AFG2A: variants seen among roughly 807,000 people sequenced by gnomAD.
The protein encoded by AFG2A is ATPase family gene 2 protein homolog A.
chr4:123,048,528 A>T, the AFG2A span, among the ~76,000 whole-genome samples: 1 of 152,090 alleles, frequency 6.6e-6, no homozygotes, highest in Non-Finnish European at 1.5e-5. Context: ...TGTCCTCTTT[A>T]GTTGTTTTCA....
the AFG2A span, chr4:122,923,130 G>A: frequency 8.1e-6 from 13 of 1,614,116 alleles, no homozygotes; most frequent in South Asian, 1.3e-4. Context: ...TTCGGCTAGG[G>A]TACCTTGTGA....
At chr4:123,007,276 T>C in the AFG2A span, among the ~76,000 whole-genome samples, 3 of 152,060 alleles carry the variant, frequency 2.0e-5, no homozygotes, top group Non-Finnish European at 4.4e-5. Context: ...TAATGCCCTA[T>C]GAATTATGAG....
the AFG2A span, among the ~76,000 whole-genome samples, chr4:123,214,639 T>G: frequency 6.6e-6 from 1 of 152,022 alleles, no homozygotes; most frequent in Admixed American, 6.6e-5. Flanking sequence ...CTAGTCTATT[T>G]TACCATTTAC....
chr4:123,183,794 C>G, the AFG2A span, among the ~76,000 whole-genome samples: 2 of 152,158 alleles, frequency 1.3e-5, no homozygotes, highest in South Asian at 4.1e-4. Context: ...GGGTCTGGCT[C>G]TGTCACACAG....
At chr4:123,201,952 AC>A in the AFG2A span, among the ~76,000 whole-genome samples, 1 of 152,198 alleles carries the variant, frequency 6.6e-6, no homozygotes, top group Non-Finnish European at 1.5e-5. Context: ...AATATACAAA[AC>A]AATAATAATA....
At chr4:123,244,964 G>A in the AFG2A span, among the ~76,000 whole-genome samples, 1 of 152,300 alleles carries the variant, frequency 6.6e-6, no homozygotes, top group African/African-American at 2.4e-5. Flanking sequence ...CAAAAGAAAT[G>A]TGAACAATGT....
chr4:123,141,660 T>C, the AFG2A span, among the ~76,000 whole-genome samples: 3 of 152,198 alleles, frequency 2.0e-5, no homozygotes, highest in Non-Finnish European at 4.4e-5. Context: ...TTGATGGGTT[T>C]ATCAGAATGG....
chr4:123,250,312 A>C, the AFG2A span, among the ~76,000 whole-genome samples: 1 of 152,196 alleles, frequency 6.6e-6, no homozygotes, highest in Non-Finnish European at 1.5e-5. Flanking sequence ...TCCTTGATAT[A>C]AAGGTCAGAA....
At chr4:123,053,116 T>G in the AFG2A span, among the ~76,000 whole-genome samples, 5 of 152,326 alleles carry the variant, frequency 3.3e-5, no homozygotes, top group Admixed American at 3.3e-4. Context: ...CCCAGTCCAC[T>G]GACCCAAGTG....
At chr4:123,028,242 T>C in the AFG2A span, 2 of 1,614,210 alleles carry the variant, frequency 1.2e-6, no homozygotes, top group Non-Finnish European at 1.7e-6. Context: ...TGGAACAGGC[T>C]GTGGAATGGC....
the AFG2A span, among the ~76,000 whole-genome samples, chr4:123,146,424 T>C: frequency 3.9e-5 from 6 of 152,146 alleles, no homozygotes; most frequent in Non-Finnish European, 8.8e-5. Flanking sequence ...ATATTAGTCT[T>C]TCAGCAGTTA....
At chr4:122,995,877 G>T in the AFG2A span, among the ~76,000 whole-genome samples, 3 of 152,230 alleles carry the variant, frequency 2.0e-5, no homozygotes, top group South Asian at 6.2e-4. Context: ...ATAATAATTC[G>T]CATAAAGACT....
chr4:123,196,173 T>TTC, the AFG2A span, among the ~76,000 whole-genome samples: 1 of 140,384 alleles, frequency 7.1e-6, no homozygotes, highest in East Asian at 2.1e-4. Context: ...GCTAATTTTT[T>TTC]TTTTTTTTTT....
At chr4:123,317,169 G>T in the AFG2A span, 3 of 145,674 alleles carry the variant, frequency 2.1e-5, no homozygotes, top group African/African-American at 7.6e-5. Flanking sequence ...AGCTTGCAGT[G>T]AGCTGAGATT....
the AFG2A span, among the ~76,000 whole-genome samples, chr4:123,246,732 C>T: frequency 1.1e-4 from 17 of 152,158 alleles, no homozygotes; most frequent in African/African-American, 3.9e-4. Context: ...AATCCATTCC[C>T]AGTACAACCA....
At chr4:122,979,445 T>G in the AFG2A span, 7 of 1,555,928 alleles carry the variant, frequency 4.5e-6, no homozygotes, top group Non-Finnish European at 6.1e-6. Flanking sequence ...GAAAAAAATT[T>G]AGAGTTCAGG....
chr4:123,278,371 A>C, the AFG2A span, among the ~76,000 whole-genome samples: 1 of 151,838 alleles, frequency 6.6e-6, no homozygotes, highest in Non-Finnish European at 1.5e-5. Flanking sequence ...TCTAGCTAGC[A>C]GTCTATCTGT....
the AFG2A span, among the ~76,000 whole-genome samples, chr4:123,311,888 C>T: frequency 6.6e-6 from 1 of 152,178 alleles, no homozygotes; most frequent in African/African-American, 2.4e-5. Flanking sequence ...AGAGTGAAAG[C>T]CTGTCTGACA....
the AFG2A span, among the ~76,000 whole-genome samples, chr4:123,004,404 T>C: frequency 2.0e-5 from 3 of 152,358 alleles, no homozygotes; most frequent in South Asian, 4.1e-4. Context: ...TCTGCGTTGC[T>C]CACGCTGGGA....
Sources: allele counts gnomAD v4.1 joint callset (sites outside exome capture counted in the v4.1 genomes callset), GRCh38; gene constraint gnomAD v4.1.1; transcripts MANE v1.5; gene names NCBI Gene and HGNC (gene_info 2026-07-23, HGNC 2026-07-21).